The following SCAPER variants were observed in gnomAD, a reference collection of about 807,000 sequenced individuals.
The protein encoded by SCAPER is S phase cyclin A-associated protein in the endoplasmic reticulum.
In SCAPER, 98 loss-of-function variants were observed where a neutral mutation model predicts 182.2. The ratio of observed to expected loss-of-function variants is 0.54; its 90% CI spans 0.46 to 0.64. The LOEUF is 0.64. Ranked by LOEUF, SCAPER falls within the 30% of genes least tolerant of loss-of-function variation. SCAPER has a pLI of 0.00. For synonymous variants in SCAPER, 605 were observed against 564.6 expected, an observed-to-expected ratio of 1.07 and a Z score of -1.01; for missense variants, 1,432 against 1,690.0, an observed-to-expected ratio of 0.85 and a Z score of 2.68.
intron 2 of SCAPER, among the ~76,000 whole-genome samples, chr15:76,879,168 G>C (rs1240066681): frequency 6.6e-6 from 1 of 152,086 alleles, no homozygotes. Flanking sequence ...TAAGCACCAA[G>C]CTCCATCCTA....
At chr15:76,760,448 C>T (rs183489591) in intron 14 of SCAPER, among the ~76,000 whole-genome samples, 61 of 152,346 alleles carry the variant, frequency 4.0e-4, no homozygotes, top group Admixed American at 6.5e-4. Context: ...TACATGCCCT[C>T]TCCAGGTGTG....
chr15:76,460,917 A>C (rs1362267250), intron 25 of SCAPER, among the ~76,000 whole-genome samples: 1 of 152,166 alleles, frequency 6.6e-6, no homozygotes, highest in East Asian at 1.9e-4. Context: ...CCAGAAAATT[A>C]ACACTGGCTC....
intron 23 of SCAPER, among the ~76,000 whole-genome samples, chr15:76,559,879 CT>C (rs2046476168): frequency 6.6e-6 from 1 of 151,836 alleles, no homozygotes; most frequent in African/African-American, 2.4e-5. Context: ...ATATATGCCC[CT>C]AAAACTAAAA....
chr15:76,831,136 T>C (rs549762946), intron 5 of SCAPER, among the ~76,000 whole-genome samples: 1 of 152,148 alleles, frequency 6.6e-6, no homozygotes, highest in Non-Finnish European at 1.5e-5. Flanking sequence ...ACAGCTACTA[T>C]GGAGCATGGC....
intron 18 of SCAPER, among the ~76,000 whole-genome samples, chr15:76,703,461 C>A (rs950667032): frequency 6.6e-6 from 1 of 152,200 alleles, no homozygotes; most frequent in Non-Finnish European, 1.5e-5. Flanking sequence ...CTTATCCATA[C>A]AGCAGGCAAG....
intron 22 of SCAPER, among the ~76,000 whole-genome samples, chr15:76,615,840 T>G (rs1393863006): frequency 7.1e-6 from 1 of 141,000 alleles, no homozygotes; most frequent in Admixed American, 7.0e-5. Flanking sequence ...AAAAAAAGAA[T>G]ATACAAATGT....
chr15:76,514,700 G>A (rs1156992419), intron 23 of SCAPER, among the ~76,000 whole-genome samples: 1 of 152,174 alleles, frequency 6.6e-6, no homozygotes, highest in Non-Finnish European at 1.5e-5. Context: ...AATACAAGTA[G>A]GTTTTGGCAA....
intron 25 of SCAPER, among the ~76,000 whole-genome samples, chr15:76,434,550 G>A (rs1422269200): frequency 1.3e-5 from 2 of 152,122 alleles, no homozygotes; most frequent in African/African-American, 4.8e-5. Flanking sequence ...GATAATGAGA[G>A]TACCTGTATC....
At chr15:76,845,004 A>T (rs1045383777) in intron 4 of SCAPER, among the ~76,000 whole-genome samples, 1 of 152,160 alleles carries the variant, frequency 6.6e-6, no homozygotes, top group Non-Finnish European at 1.5e-5. Flanking sequence ...CATTTTCAAC[A>T]TTACATTAAA....
At chr15:76,762,886 G>A (rs2062877147) in intron 14 of SCAPER, among the ~76,000 whole-genome samples, 1 of 152,096 alleles carries the variant, frequency 6.6e-6, no homozygotes, top group Non-Finnish European at 1.5e-5. Flanking sequence ...GAGACACCTG[G>A]CCTCATGTGA....
intron 5 of SCAPER, among the ~76,000 whole-genome samples, chr15:76,823,541 T>C (rs1366873497): frequency 6.6e-6 from 1 of 151,066 alleles, no homozygotes; most frequent in East Asian, 1.9e-4. Flanking sequence ...AACATACATA[T>C]ACTTTGGAAC....
chr15:76,869,180 G>A (rs1057095073), intron 2 of SCAPER, among the ~76,000 whole-genome samples: 5 of 151,604 alleles, frequency 3.3e-5, no homozygotes, highest in Non-Finnish European at 7.4e-5. Context: ...AAACTTAAAA[G>A]AAATGCTCCA....
chr15:76,509,979 G>A (rs2041891863), intron 23 of SCAPER, among the ~76,000 whole-genome samples: 1 of 152,096 alleles, frequency 6.6e-6, no homozygotes, highest in South Asian at 2.1e-4. Context: ...GTGGGTAAAG[G>A]ACACCATATT....
chr15:76,524,107 T>TA (rs143618772), intron 23 of SCAPER, among the ~76,000 whole-genome samples: 5,589 of 152,208 alleles, frequency 0.037, 145 homozygotes, highest in Non-Finnish European at 0.054. Context: ...AGCAAATCTG[T>TA]AAAAATTCCA....
At chr15:76,783,671 C>T (rs539109182) in intron 8 of SCAPER, among the ~76,000 whole-genome samples, 27 of 152,264 alleles carry the variant, frequency 1.8e-4, no homozygotes, top group African/African-American at 6.3e-4. Flanking sequence ...AGCAGCACAT[C>T]AAAAAGCTTA....
chr15:76,669,218 G>GCAA (rs56816702), intron 20 of SCAPER, among the ~76,000 whole-genome samples: 2,135 of 151,060 alleles, frequency 0.014, 22 homozygotes, highest in Non-Finnish European at 0.023. Context: ...ACAAGCAGCA[G>GCAA]CAACAACAAC....
At chr15:76,499,909 CAA>C (rs2040941476) in intron 24 of SCAPER, among the ~76,000 whole-genome samples, 1 of 152,132 alleles carries the variant, frequency 6.6e-6, no homozygotes, top group Non-Finnish European at 1.5e-5. Context: ...GCCAAAGTGA[CAA>C]AGACTTAGGG....
In SCAPER at chr15:76,718,229, A is replaced by T. The variant is rs146441777; in HGVS notation, c.2165+10366T>A. ...ATTAAAAAATATCTTGGGACAAACA[A>T]CAATAGAAACGCAACACAGCAAAAT... is the stretch of plus-strand genomic sequence containing the variant. On this transcript the variant is annotated intron_variant, in intron 17 of 31. Coordinates refer to ENST00000563290, the MANE Select transcript of SCAPER (RefSeq NM_020843.4). Among the ~76,000 whole-genome samples the T allele has an allele frequency of 5.3e-5, 8 of 152,330 alleles. No individual in the cohort carries two copies. In the East Asian group the frequency reaches 1.5e-3, roughly 29 times the overall value.
At chr15:76,709,278 C>T (rs909543452) in intron 17 of SCAPER, among the ~76,000 whole-genome samples, 11 of 152,012 alleles carry the variant, frequency 7.2e-5, no homozygotes, top group African/African-American at 1.7e-4. Flanking sequence ...ACTACAGGCA[C>T]GTGCCACCAT....
Sources: allele counts gnomAD v4.1 joint callset (sites outside exome capture counted in the v4.1 genomes callset), GRCh38; gene constraint gnomAD v4.1.1; transcripts MANE v1.5; gene names NCBI Gene and HGNC (gene_info 2026-07-23, HGNC 2026-07-21).